FGF14: variants seen among roughly 807,000 people sequenced by gnomAD.
The protein encoded by FGF14 is fibroblast growth factor homologous factor 4.
Under a neutral mutation model 25.5 loss-of-function variants are expected in FGF14, and 5 were observed. The ratio of observed to expected loss-of-function variants is 0.20; its 90% CI spans 0.10 to 0.41. The LOEUF (loss-of-function observed/expected upper bound fraction) is 0.41, where lower values mean the gene tolerates loss of function less well. Among genes scored for constraint, FGF14 ranks in the 10% least tolerant of loss-of-function variants. FGF14 has a pLI of 1.00. For missense variants in FGF14, 222 were observed against 320.1 expected (o/e 0.69, Z 2.34); for synonymous variants, 138 against 118.3 (o/e 1.17, Z -1.08).
intron 1 of FGF14, among the ~76,000 whole-genome samples, chr13:102,166,842 C>A (rs888005854): frequency 1.3e-5 from 2 of 152,142 alleles, no homozygotes; most frequent in Admixed American, 1.3e-4. Context: ...TTCACAAGAA[C>A]CTAGCCGTGT....
chr13:101,906,334 G>A (rs1461834301), intron 1 of FGF14, among the ~76,000 whole-genome samples: 1 of 152,086 alleles, frequency 6.6e-6, no homozygotes, highest in Admixed American at 6.6e-5. Context: ...GATTAATAGG[G>A]TTAAACAATT....
At chr13:102,071,759 T>C (rs1192751478) in intron 1 of FGF14, among the ~76,000 whole-genome samples, 1 of 152,174 alleles carries the variant, frequency 6.6e-6, no homozygotes, top group Non-Finnish European at 1.5e-5. Context: ...TGAGTAATGA[T>C]ATAGTGGCAG....
In FGF14 at chr13:101,717,831, T is replaced by G. The variant is rs2034784231; in HGVS notation, c.*5000A>C. The G allele has an allele frequency of 6.6e-6, 1 of 152,132 alleles. No homozygotes were observed. The highest frequency in any genetic ancestry group is 2.4e-5 in the African/African-American group (1 of 41,444). 9.4% of individuals were successfully genotyped at this position (152,132 alleles called of 1,614,324 possible). On this transcript the variant is annotated 3_prime_UTR_variant, in exon 5 of 5. Transcript: ENST00000376143. ...GGAACTGCCCTTGATTCTCTATAGC[T>G]CATCACAAAACCTCAGGTATGTCTT...
intron 1 of FGF14, among the ~76,000 whole-genome samples, chr13:102,307,877 A>G (rs531536991): frequency 6.6e-6 from 1 of 152,268 alleles, no homozygotes; most frequent in Non-Finnish European, 1.5e-5. Context: ...TGTTCTAGGT[A>G]ATAGGCCAAG....
intron 1 of FGF14, among the ~76,000 whole-genome samples, chr13:101,915,636 AG>A (rs1226446075): frequency 1.3e-5 from 2 of 151,992 alleles, no homozygotes; most frequent in Non-Finnish European, 2.9e-5. Flanking sequence ...AGGTCATCCT[AG>A]GTACTAGTTT....
intron 1 of FGF14, among the ~76,000 whole-genome samples, chr13:101,983,227 T>C (rs1027822418): frequency 3.9e-5 from 6 of 152,252 alleles, no homozygotes; most frequent in Admixed American, 2.6e-4. Flanking sequence ...GCACTCAGTA[T>C]TCCTGATAAA....
chr13:102,110,671 T>C (rs975379710), intron 1 of FGF14, among the ~76,000 whole-genome samples: 1 of 152,186 alleles, frequency 6.6e-6, no homozygotes, highest in Non-Finnish European at 1.5e-5. Context: ...GATTTCTCAA[T>C]GTCTGTCATA....
chr13:101,789,198 T>C (rs988814028), intron 3 of FGF14, among the ~76,000 whole-genome samples: 1 of 151,968 alleles, frequency 6.6e-6, no homozygotes, highest in Non-Finnish European at 1.5e-5. Context: ...CTAGAATTAA[T>C]GTCTGGAATG....
At chr13:102,095,157 AG>A (rs559011749) in intron 1 of FGF14, among the ~76,000 whole-genome samples, 54 of 152,340 alleles carry the variant, frequency 3.5e-4, no homozygotes, top group Non-Finnish European at 7.2e-4. Context: ...ATAACTTCAC[AG>A]GAATTATGAC....
intron 1 of FGF14, among the ~76,000 whole-genome samples, chr13:102,133,504 T>C (rs546105888): frequency 2.0e-4 from 31 of 152,340 alleles, no homozygotes; most frequent in African/African-American, 7.2e-4. Flanking sequence ...AAATATATGG[T>C]AAAGATTTCT....
chr13:102,056,617 C>T (rs2042439675), intron 1 of FGF14, among the ~76,000 whole-genome samples: 1 of 151,978 alleles, frequency 6.6e-6, no homozygotes, highest in Non-Finnish European at 1.5e-5. Context: ...GCAATAGTTG[C>T]ACATGACAAC....
intron 1 of FGF14, among the ~76,000 whole-genome samples, chr13:102,178,447 G>A (rs972631414): frequency 6.6e-6 from 1 of 151,986 alleles, no homozygotes; most frequent in African/African-American, 2.4e-5. Flanking sequence ...TTATTTCATG[G>A]ATATAATGCA....
chr13:102,346,967 G>C (rs115497646), intron 1 of FGF14, among the ~76,000 whole-genome samples: 317 of 152,280 alleles, frequency 2.1e-3, no homozygotes, highest in African/African-American at 6.9e-3. Context: ...GTCTTGCACT[G>C]ATGCCCAGAA....
intron 1 of FGF14, among the ~76,000 whole-genome samples, chr13:101,878,898 G>A (rs879724460): frequency 7.9e-5 from 12 of 151,828 alleles, no homozygotes; most frequent in Non-Finnish European, 1.8e-4. Flanking sequence ...TAAACTGATA[G>A]AATAAGAAGG....
intron 1 of FGF14, among the ~76,000 whole-genome samples, chr13:101,983,890 A>T (rs540747137): frequency 2.0e-5 from 3 of 152,260 alleles, no homozygotes; most frequent in Non-Finnish European, 2.9e-5. Flanking sequence ...TCCCCCTAGG[A>T]GGAGAGCTTG....
At chr13:102,152,363 C>G (rs1202912794) in intron 1 of FGF14, among the ~76,000 whole-genome samples, 1 of 152,168 alleles carries the variant, frequency 6.6e-6, no homozygotes, top group Non-Finnish European at 1.5e-5. Context: ...AAGTTAGAGT[C>G]CAAGATCAAG....
chr13:102,378,631 C>CTATATA (rs750576641), intron 1 of FGF14, among the ~76,000 whole-genome samples: 232 of 141,894 alleles, frequency 1.6e-3, no homozygotes, highest in East Asian at 4.3e-3. Context: ...ATCTATCTAT[C>CTATATA]TATATATATA....
At chr13:102,120,323 A>G (rs1436812167) in intron 1 of FGF14, among the ~76,000 whole-genome samples, 1 of 152,232 alleles carries the variant, frequency 6.6e-6, no homozygotes, top group Non-Finnish European at 1.5e-5. Context: ...GTGGAAAGCT[A>G]TACTGATGAG....
At chr13:101,956,629 A>G (rs1649151975) in intron 1 of FGF14, among the ~76,000 whole-genome samples, 1 of 152,182 alleles carries the variant, frequency 6.6e-6, no homozygotes, top group African/African-American at 2.4e-5. Flanking sequence ...TGAGGTAAAA[A>G]TATAATATCC....
Sources: allele counts gnomAD v4.1 joint callset (sites outside exome capture counted in the v4.1 genomes callset), GRCh38; gene constraint gnomAD v4.1.1; transcripts MANE v1.5; gene names NCBI Gene and HGNC (gene_info 2026-07-23, HGNC 2026-07-21).